Variants in UCK2 observed in about 807,000 individuals in gnomAD.
UCK2 encodes uridine-cytidine kinase 2.
In UCK2, 6 loss-of-function variants were observed where a neutral mutation model predicts 30.8. That is an observed-to-expected ratio of 0.19 (90% CI 0.11 to 0.38). UCK2 has a LOEUF of 0.38. UCK2 is among the 10% of genes least tolerant of loss of function. The pLI is 1.00. For synonymous variants in UCK2, 125 were observed against 133.6 expected, an observed-to-expected ratio of 0.94 and a Z score of 0.45; for missense variants, 210 against 339.8, an observed-to-expected ratio of 0.62 and a Z score of 3.00.
At chr1:165,869,986 ATTTTTTTC>A (rs565287523) in intron 1 of UCK2, among the ~76,000 whole-genome samples, 220 of 151,932 alleles carry the variant, frequency 1.4e-3, no homozygotes, top group African/African-American at 5.1e-3. Context: ...CATCTTACTT[ATTTTTTTC>A]TTTTGTTGCC....
chr1:165,840,180 A>G, intron 1 of UCK2, among the ~76,000 whole-genome samples: 1 of 152,238 alleles, frequency 6.6e-6, no homozygotes, highest in East Asian at 1.9e-4. Flanking sequence ...TGGCCTCCCA[A>G]AGTGCTGGGA....
chr1:165,899,347 T>C (rs994411189), intron 4 of UCK2, among the ~76,000 whole-genome samples: 2 of 152,148 alleles, frequency 1.3e-5, no homozygotes, highest in African/African-American at 4.8e-5. Context: ...GGCAGGGAGA[T>C]TCAGGATGGC....
chr1:165,847,443 C>T (rs1318536311), intron 1 of UCK2, among the ~76,000 whole-genome samples: 1 of 152,168 alleles, frequency 6.6e-6, no homozygotes, highest in East Asian at 1.9e-4. Flanking sequence ...CTTCTTTCTT[C>T]ACCCCAGCCC....
intron 1 of UCK2, among the ~76,000 whole-genome samples, chr1:165,880,562 TGGGGGTGTGTGTG>T (rs1347080691): frequency 1.7e-4 from 20 of 115,846 alleles, no homozygotes; most frequent in East Asian, 5.0e-4. Context: ...CAGTTTTTTT[TGGGGGTGTGTGTG>T]TGTGTGTGTG....
intron 1 of UCK2, among the ~76,000 whole-genome samples, chr1:165,863,042 T>C (rs567766284): frequency 2.6e-5 from 4 of 152,196 alleles, no homozygotes; most frequent in Non-Finnish European, 5.9e-5. Flanking sequence ...AGGAAACCTA[T>C]TATGTGCGAG....
At chr1:165,846,787 T>G (rs202159920) in intron 1 of UCK2, among the ~76,000 whole-genome samples, 1 of 152,230 alleles carries the variant, frequency 6.6e-6, no homozygotes, top group Non-Finnish European at 1.5e-5. Context: ...TTTTTCCTTT[T>G]TATTCCTAGT....
At chr1:165,903,669 T>C (rs1385107389) in intron 5 of UCK2, among the ~76,000 whole-genome samples, 10 of 152,212 alleles carry the variant, frequency 6.6e-5, no homozygotes, top group Non-Finnish European at 2.9e-5. Context: ...ATGGATGCAC[T>C]GGGTGCTGTG....
chr1:165,841,152 C>T (rs1050721221), intron 1 of UCK2, among the ~76,000 whole-genome samples: 3 of 149,922 alleles, frequency 2.0e-5, no homozygotes, highest in Middle Eastern at 3.5e-3. Flanking sequence ...ATAAAAATCT[C>T]CATGATCCTA....
At chr1:165,854,657 T>A (rs1654683563) in intron 1 of UCK2, among the ~76,000 whole-genome samples, 2 of 151,952 alleles carry the variant, frequency 1.3e-5, no homozygotes, top group South Asian at 4.2e-4. Flanking sequence ...TGAGTGTGTC[T>A]TTTGGATCTC....
chr1:165,895,054 A>G (rs1253883586), intron 3 of UCK2, among the ~76,000 whole-genome samples: 1 of 152,242 alleles, frequency 6.6e-6, no homozygotes, highest in East Asian at 1.9e-4. Flanking sequence ...GCTGAGCACA[A>G]GCAAGGCCAT....
At chr1:165,890,815 C>T (rs897138622) in intron 2 of UCK2, 1 of 259,634 alleles carries the variant, frequency 3.9e-6, no homozygotes, top group Non-Finnish European at 7.5e-6. Context: ...GCACACTGCT[C>T]CTTTAGCTGG....
chr1:165,908,039 T>A lies in UCK2; in HGVS notation c.*216T>A. On this transcript the variant is annotated 3_prime_UTR_variant, in exon 7 of 7. Coordinates refer to ENST00000367879, the MANE Select transcript of UCK2 (RefSeq NM_012474.5). ...GCTTAAATAACAAAACTGTGCCAAC[T>A]ACTACTGGTGATGCCTAATTATGAA... The A allele has an allele frequency of 1.8e-6, 1 of 564,304 alleles. No homozygotes were observed. Among genetic ancestry groups the A allele is most frequent in the Non-Finnish European group, 2.9e-6 (1 of 339,848 alleles). 35.0% of individuals were successfully genotyped at this position (564,304 alleles called of 1,614,324 possible). A position where few individuals can be genotyped will look rare whatever the true frequency, so the allele number is the denominator to read the frequency against.
At chr1:165,857,034 G>T (rs771842209) in intron 1 of UCK2, among the ~76,000 whole-genome samples, 1 of 151,628 alleles carries the variant, frequency 6.6e-6, no homozygotes, top group Non-Finnish European at 1.5e-5. Context: ...ATTTCAACTC[G>T]AAGAAAGGAC....
chr1:165,889,053 C>A (rs1479419814), intron 1 of UCK2, among the ~76,000 whole-genome samples: 1 of 152,098 alleles, frequency 6.6e-6, no homozygotes, highest in African/African-American at 2.4e-5. Context: ...TTACTAACAA[C>A]AACACACAAA....
At position 165,908,631 on chromosome 1, in the gene UCK2, CT is replaced by C. The variant is rs1036410050; in HGVS notation, c.*809del. On this transcript the variant is annotated 3_prime_UTR_variant, in exon 7 of 7. Coordinates refer to ENST00000367879, the MANE Select transcript of UCK2 (RefSeq NM_012474.5). ...TGTCTCTCCAAGAAGCCAGAGCTGC[CT>C]CTTTCCTTCCCTGGAAGAGATTTTA... 6.6e-6 allele frequency: 1 copy of C among 152,056 alleles called. No homozygotes were observed. The highest frequency in any genetic ancestry group is 1.5e-5 in the Non-Finnish European group (1 of 68,012). 9.4% of individuals were successfully genotyped at this position (152,056 alleles called of 1,614,324 possible).
intron 1 of UCK2, among the ~76,000 whole-genome samples, chr1:165,849,841 T>C (rs1654544364): frequency 6.6e-6 from 1 of 152,142 alleles, no homozygotes; most frequent in Non-Finnish European, 1.5e-5. Context: ...TTCTTTTCTG[T>C]TCTTGGTGTG....
chr1:165,899,210 A>G (rs1647375351), intron 4 of UCK2, among the ~76,000 whole-genome samples: 1 of 152,078 alleles, frequency 6.6e-6, no homozygotes. Context: ...CAGCCCTGGA[A>G]ACTACCTCCT....
chr1:165,878,279 A>G (rs2101874665), intron 1 of UCK2, among the ~76,000 whole-genome samples: 1 of 151,570 alleles, frequency 6.6e-6, no homozygotes, highest in Non-Finnish European at 1.5e-5. Context: ...ACTTAGCAAT[A>G]TGCATTTAAG....
chr1:165,883,377 CT>C (rs1357772368), intron 1 of UCK2, among the ~76,000 whole-genome samples: 4 of 152,156 alleles, frequency 2.6e-5, no homozygotes, highest in African/African-American at 9.7e-5. Context: ...GAGTTCGAGG[CT>C]GCAGTGAGCT....
Sources: gnomAD v4.1 joint callset for allele counts (sites outside exome capture counted in the v4.1 genomes callset) on GRCh38, gnomAD v4.1.1 for gene constraint, MANE v1.5 for transcripts, NCBI Gene and HGNC (gene_info 2026-07-23, HGNC 2026-07-21) for gene names.